The following ADK variants were observed in gnomAD, a reference collection of about 807,000 sequenced individuals.
ADK encodes the protein N6,N6-dimethyladenosine kinase.
A neutral mutation model predicts 44.7 loss-of-function variants in ADK; 24 were observed. That is an observed-to-expected ratio of 0.54 (90% CI 0.39 to 0.76). The LOEUF (loss-of-function observed/expected upper bound fraction) is 0.76, where lower values mean the gene tolerates loss of function less well. ADK is among the 30% of genes least tolerant of loss of function. The probability of loss-of-function intolerance (pLI) is 0.00; values close to 1 mark genes in which losing one functional copy is unlikely to be tolerated. For synonymous variants in ADK, 128 were observed against 142.6 expected (o/e 0.90, Z 0.73); for missense variants, 321 against 425.1 (o/e 0.76, Z 2.15).
At chr10:74,233,210 GA>G in intron 3 of ADK, among the ~76,000 whole-genome samples, 1 of 152,218 alleles carries the variant, frequency 6.6e-6, no homozygotes, top group Middle Eastern at 3.4e-3. Context: ...TCAATCATGA[GA>G]AAAACTGGGG....
At chr10:74,638,437 G>C (rs1338984632) in intron 9 of ADK, among the ~76,000 whole-genome samples, 1 of 152,134 alleles carries the variant, frequency 6.6e-6, no homozygotes, top group Non-Finnish European at 1.5e-5. Context: ...TAAGGCTGGA[G>C]AATCACTTGA....
At chr10:74,481,021 T>C (rs944879806) in intron 6 of ADK, among the ~76,000 whole-genome samples, 6 of 152,216 alleles carry the variant, frequency 3.9e-5, no homozygotes, top group Admixed American at 3.3e-4. Context: ...CTTTTGGTTG[T>C]TTGCCTTCAT....
chr10:74,170,587 A>G (rs1044793873), intron 1 of ADK, among the ~76,000 whole-genome samples: 2 of 152,026 alleles, frequency 1.3e-5, no homozygotes, highest in African/African-American at 4.8e-5. Flanking sequence ...TCACGAGGTC[A>G]GGAGATCGAG....
chr10:74,548,934 C>T (rs1001824346), intron 7 of ADK, among the ~76,000 whole-genome samples: 1 of 152,164 alleles, frequency 6.6e-6, no homozygotes, highest in Admixed American at 6.5e-5. Flanking sequence ...ATTTGGACTT[C>T]CTGCCTTCCC....
intron 3 of ADK, among the ~76,000 whole-genome samples, chr10:74,267,653 G>A (rs1209754091): frequency 2.0e-5 from 3 of 152,016 alleles, no homozygotes; most frequent in Non-Finnish European, 4.4e-5. Context: ...CTGATTTTAG[G>A]TGAAGCTTGA....
chr10:74,321,239 T>A (rs922910937), intron 4 of ADK, among the ~76,000 whole-genome samples: 2 of 150,384 alleles, frequency 1.3e-5, no homozygotes, highest in Non-Finnish European at 1.5e-5. Context: ...ATTTGAATCA[T>A]TTTTTTTCCT....
In ADK at chr10:74,635,363, C is replaced by A. The variant is rs111357296; in HGVS notation, c.878-34820C>A. ...CAAAACTGTCAACCCAGAATTCTATCTCCAGCAATATTTTCCTTCAGTGAT... is the reference window on the plus strand; with the variant it reads ...CAAAACTGTCAACCCAGAATTCTATATCCAGCAATATTTTCCTTCAGTGAT... On this transcript the variant is annotated intron_variant, in intron 9 of 10. Coordinates refer to ENST00000539909, the MANE Select transcript of ADK (RefSeq NM_006721.4). 2.3e-4 allele frequency among the ~76,000 whole-genome samples: 35 copies of A among 152,274 alleles called. 2 individuals are homozygous for A. Among genetic ancestry groups the A allele is most frequent in the African/African-American group, 7.0e-4 (29 of 41,556 alleles).
chr10:74,260,225 T>G (rs1288142616), intron 3 of ADK, among the ~76,000 whole-genome samples: 9 of 152,192 alleles, frequency 5.9e-5, no homozygotes, highest in Admixed American at 5.9e-4. Context: ...TTATTGTGGT[T>G]GTCTCAACCT....
At chr10:74,222,049 G>T (rs1844332177) in intron 2 of ADK, among the ~76,000 whole-genome samples, 1 of 152,166 alleles carries the variant, frequency 6.6e-6, no homozygotes. Context: ...CACAGCAAAA[G>T]AAACTACCAT....
intron 6 of ADK, among the ~76,000 whole-genome samples, chr10:74,439,505 C>T (rs1357980282): frequency 2.6e-5 from 4 of 152,040 alleles, no homozygotes; most frequent in African/African-American, 7.2e-5. Context: ...GAGCAGCCGA[C>T]CATTATTCTG....
chr10:74,606,911 C>T (rs1274829684), intron 9 of ADK, among the ~76,000 whole-genome samples: 4 of 152,094 alleles, frequency 2.6e-5, no homozygotes, highest in Non-Finnish European at 5.9e-5. Context: ...AATCTGGGTG[C>T]TCCTGTATTG....
intron 9 of ADK, among the ~76,000 whole-genome samples, chr10:74,669,326 TTA>T (rs891523800): frequency 2.6e-5 from 4 of 152,182 alleles, no homozygotes; most frequent in Middle Eastern, 3.2e-3. Flanking sequence ...GGATGCAAAT[TTA>T]TGATTTCAGA....
chr10:74,685,965 G>A (rs1313559981), intron 10 of ADK, among the ~76,000 whole-genome samples: 2 of 151,846 alleles, frequency 1.3e-5, no homozygotes, highest in African/African-American at 4.8e-5. Context: ...TTGTTTGTTT[G>A]TTTTGGTTTT....
chr10:74,257,608 A>G (rs939872286), intron 3 of ADK, among the ~76,000 whole-genome samples: 5 of 152,304 alleles, frequency 3.3e-5, no homozygotes, highest in African/African-American at 1.2e-4. Flanking sequence ...TAGTCTTTCT[A>G]TATGACATTC....
At chr10:74,470,680 A>G (rs1053697288) in intron 6 of ADK, among the ~76,000 whole-genome samples, 11 of 150,346 alleles carry the variant, frequency 7.3e-5, no homozygotes, top group African/African-American at 2.5e-4. Flanking sequence ...ATATATTCTG[A>G]ATATTGATCC....
At chr10:74,431,870 T>C (rs1845012126) in intron 6 of ADK, among the ~76,000 whole-genome samples, 1 of 151,918 alleles carries the variant, frequency 6.6e-6, no homozygotes, top group African/African-American at 2.4e-5. Context: ...TTAAATTCCA[T>C]AGACAAAAGG....
intron 3 of ADK, among the ~76,000 whole-genome samples, chr10:74,284,713 A>G (rs1190729535): frequency 6.6e-6 from 1 of 152,244 alleles, no homozygotes; most frequent in East Asian, 1.9e-4. Context: ...CTTTAGTAGT[A>G]ATTCTCAAAT....
chr10:74,382,514 A>G (rs1406807700), intron 4 of ADK, among the ~76,000 whole-genome samples: 1 of 152,204 alleles, frequency 6.6e-6, no homozygotes, highest in African/African-American at 2.4e-5. Flanking sequence ...ACATTGAATT[A>G]AAACTTGACA....
intron 7 of ADK, among the ~76,000 whole-genome samples, chr10:74,546,885 C>G (rs58069799): frequency 0.03 from 4,551 of 152,164 alleles, 196 homozygotes; most frequent in African/African-American, 0.092. Context: ...AATTCTGACT[C>G]TAACAATGCA....
Sources: gnomAD v4.1 joint callset for allele counts (sites outside exome capture counted in the v4.1 genomes callset) on GRCh38, gnomAD v4.1.1 for gene constraint, MANE v1.5 for transcripts, NCBI Gene and HGNC (gene_info 2026-07-23, HGNC 2026-07-21) for gene names.